PPP1R36: variants seen among roughly 807,000 people sequenced by gnomAD.
PPP1R36 encodes the protein chromosome 14 open reading frame 50.
A neutral mutation model predicts 53.4 loss-of-function variants in PPP1R36; 47 were observed. The ratio of observed to expected loss-of-function variants is 0.88; its 90% CI spans 0.70 to 1.12. The LOEUF is 1.12. Among genes scored for constraint, PPP1R36 ranks in the 50% most tolerant of loss-of-function variants. The pLI is 0.00. For missense variants in PPP1R36, 456 were observed against 513.9 expected, an observed-to-expected ratio of 0.89 and a Z score of 1.09; for synonymous variants, 153 against 170.5, an observed-to-expected ratio of 0.90 and a Z score of 0.80.
At chr14:64,587,171 T>G in intron 9 of PPP1R36, 23 bp from the exon 10 acceptor site, 2 of 1,577,114 alleles carry the variant, frequency 1.3e-6, no homozygotes, top group South Asian at 2.3e-5. Flanking sequence ...AGGATCGTGA[T>G]TCTTGTCTAT....
chr14:64,586,369 C>T (rs2080433830), intron 8 of PPP1R36: 1 of 153,336 alleles, frequency 6.5e-6, no homozygotes, highest in Non-Finnish European at 1.5e-5. Flanking sequence ...GAGCACACTG[C>T]CGTTCTCAGT....
intron 8 of PPP1R36, among the ~76,000 whole-genome samples, chr14:64,578,015 G>A (rs576784225): frequency 4.2e-5 from 6 of 144,410 alleles, no homozygotes; most frequent in Non-Finnish European, 9.0e-5. Flanking sequence ...GTGAACCACT[G>A]CACCTGGCCT....
intron 3 of PPP1R36, chr14:64,562,080 T>G (rs938872020): frequency 3.7e-6 from 1 of 271,490 alleles, no homozygotes; most frequent in Admixed American, 4.6e-5. Context: ...ACATCTACCT[T>G]GTACTCTGGG....
At chr14:64,568,057 T>C (rs1269785335) in intron 6 of PPP1R36, among the ~76,000 whole-genome samples, 1 of 152,114 alleles carries the variant, frequency 6.6e-6, no homozygotes, top group African/African-American at 2.4e-5. Context: ...TTTTAAACAA[T>C]GGAAATATAT....
intron 3 of PPP1R36, among the ~76,000 whole-genome samples, 176 bp from the exon 4 acceptor site, chr14:64,564,575 A>C (rs2080233588): frequency 6.6e-6 from 1 of 152,212 alleles, no homozygotes; most frequent in African/African-American, 2.4e-5. Context: ...GTAAAGTCTG[A>C]AGTTTTAATT....
chr14:64,563,194 G>T (rs972277313), intron 3 of PPP1R36, among the ~76,000 whole-genome samples: 1 of 152,040 alleles, frequency 6.6e-6, no homozygotes, highest in Non-Finnish European at 1.5e-5. Context: ...TTTAGACAGG[G>T]TCTCACTCTG....
In PPP1R36 at chr14:64,576,785, T is replaced by C. The variant is rs142596543; in HGVS notation, c.668+2196T>C. Among the ~76,000 whole-genome samples the C allele has an allele frequency of 2.6e-5, 4 of 152,346 alleles. No homozygotes were observed. In the East Asian group the frequency reaches 5.8e-4, roughly 22 times the overall value. On this transcript the variant is annotated intron_variant, in intron 8 of 11. Coordinates refer to ENST00000298705, the MANE Select transcript of PPP1R36 (RefSeq NM_172365.3). ...TGTATTCCTGACAACACCCATTCTT[T>C]ATTCTACTACATCCGTTCTGCAGCT...
chr14:64,588,126 G>A lies in PPP1R36; in HGVS notation c.913G>A (p.Ala305Thr). 6.2e-7 allele frequency: 1 copy of A among 1,603,546 alleles called. No homozygotes were observed. Among genetic ancestry groups the A allele is most frequent in the Non-Finnish European group, 8.5e-7 (1 of 1,173,176 alleles). ...CAGGAGAATGATGGCAAAACGCCCA[G>A]CAATTAAAAAAGCTATCAACATGCG... ...QFRRMMAKRP[A>T]IKKAINMRSP... Residue 305 changes from alanine to threonine, a missense_variant, in exon 11 of 12, where the codon GCA becomes ACA. Ala to Thr is a moderately conservative substitution (Grantham distance 58, BLOSUM62 0). Transcript: ENST00000298705.
At chr14:64,585,342 C>A (rs2080423337) in intron 8 of PPP1R36, among the ~76,000 whole-genome samples, 1 of 151,798 alleles carries the variant, frequency 6.6e-6, no homozygotes, top group Non-Finnish European at 1.5e-5. Context: ...ATGGTGAAAC[C>A]CCATCTCTAC....
chr14:64,563,008 A>C (rs188840289), intron 3 of PPP1R36, among the ~76,000 whole-genome samples: 163 of 152,186 alleles, frequency 1.1e-3, no homozygotes, highest in African/African-American at 3.6e-3. Context: ...CTGGGATTAC[A>C]GGCATGGGCC....
At chr14:64,588,323 G>A in intron 11 of PPP1R36, 28 bp downstream of exon 11, 1 of 1,560,006 alleles carries the variant, frequency 6.4e-7, no homozygotes, top group South Asian at 1.2e-5. Flanking sequence ...AGAAGCATGA[G>A]TGCCTTGAGG....
At chr14:64,559,748 T>C (rs1472981922) in intron 3 of PPP1R36, among the ~76,000 whole-genome samples, 1 of 152,114 alleles carries the variant, frequency 6.6e-6, no homozygotes, top group African/African-American at 2.4e-5. Flanking sequence ...TGGTGAGGAA[T>C]TGGAACTTTA....
intron 8 of PPP1R36, among the ~76,000 whole-genome samples, chr14:64,585,604 G>C (rs1456499492): frequency 6.6e-6 from 1 of 151,962 alleles, no homozygotes; most frequent in African/African-American, 2.4e-5. Context: ...TGGGTACCAG[G>C]CTCTCCAGAA....
intron 7 of PPP1R36, among the ~76,000 whole-genome samples, chr14:64,572,108 G>A (rs549394089): frequency 6.6e-6 from 1 of 152,220 alleles, no homozygotes; most frequent in East Asian, 1.9e-4. Context: ...AATAATGATT[G>A]CATTGAATAT....
chr14:64,567,589 T>C (rs2080270347), intron 6 of PPP1R36, among the ~76,000 whole-genome samples: 1 of 152,220 alleles, frequency 6.6e-6, no homozygotes, highest in African/African-American at 2.4e-5. Context: ...TACATGTGTA[T>C]ATGTTGGTGG....
In PPP1R36 at chr14:64,574,312, A is replaced by T; in HGVS notation, c.534-143A>T. On this transcript the variant is annotated intron_variant, in intron 7 of 11. Coordinates refer to ENST00000298705, the MANE Select transcript of PPP1R36 (RefSeq NM_172365.3). ...TGAGGCTGCAGTGAGCTGTGATCGC[A>T]CCACTGCACTCCAGCCTAGGTAGCA... 5.3e-6 allele frequency: 4 copies of T among 750,156 alleles called. No homozygotes were observed. The South Asian group carries it at 7.6e-5, about 14-fold the overall frequency. 46.5% of individuals were successfully genotyped at this position (750,156 alleles called of 1,614,324 possible).
At chr14:64,573,455 G>A (rs902527336) in intron 7 of PPP1R36, among the ~76,000 whole-genome samples, 11 of 152,148 alleles carry the variant, frequency 7.2e-5, no homozygotes, top group Non-Finnish European at 1.3e-4. Context: ...GAACGCAGGG[G>A]AAGCTGAGGT....
chr14:64,586,864 C>A lies in PPP1R36; in HGVS notation c.696C>A (p.Asp232Glu), dbSNP rs753558952. The change falls in exon 9 of 12, where the codon GAC (aspartate) becomes GAA (glutamate). Residue 232 changes from aspartate to glutamate, a missense_variant. Coordinates refer to ENST00000298705, the MANE Select transcript of PPP1R36 (RefSeq NM_172365.3). ...GKEKISDTQK[D>E]WKFFESFYTF... The stretch of plus-strand genomic sequence containing the variant: ...AGAAAATATCAGATACACAGAAAGA[C>A]TGGAAGTTCTTTGAGGTGAGTCACT... 6.2e-7 allele frequency: 1 copy of A among 1,612,098 alleles called. No homozygotes were observed. The highest frequency in any genetic ancestry group is 1.3e-5 in the African/African-American group (1 of 74,874).
At chr14:64,564,624 T>G in intron 3 of PPP1R36, 127 bp from the exon 4 acceptor site, 1 of 587,418 alleles carries the variant, frequency 1.7e-6, no homozygotes, top group Non-Finnish European at 2.9e-6. Flanking sequence ...AATAGATGAA[T>G]TGAACACTGC....
Sources: allele counts gnomAD v4.1 joint callset (sites outside exome capture counted in the v4.1 genomes callset), GRCh38; gene constraint gnomAD v4.1.1; transcripts MANE v1.5; gene names NCBI Gene and HGNC (gene_info 2026-07-23, HGNC 2026-07-21).